The following DMD variants were observed in gnomAD, a reference collection of about 807,000 sequenced individuals.
The protein encoded by DMD is mutant dystrophin.
DMD carries 63 observed loss-of-function variants against 330.1 expected under a neutral mutation model. That is an observed-to-expected ratio of 0.19 (90% CI 0.16 to 0.24). DMD has a LOEUF of 0.24. Among genes scored for constraint, DMD ranks in the 10% least tolerant of loss-of-function variants. The pLI is 1.00. For missense variants in DMD, 3,344 were observed against 2,684.1 expected (o/e 1.25, Z -5.43); for synonymous variants, 1,223 against 959.8 (o/e 1.27, Z -5.07).
At chrX:31,947,971 C>T (rs1050604380) in intron 45 of DMD, among the ~76,000 whole-genome samples, 2 of 110,918 alleles carry the variant, frequency 1.8e-5, no homozygotes, top group African/African-American at 3.3e-5. Context: ...ATCTTTAGAA[C>T]TTATTTACAT....
intron 62 of DMD, among the ~76,000 whole-genome samples, chrX:31,291,414 T>C (rs2053686210): frequency 8.9e-6 from 1 of 112,100 alleles, no homozygotes; most frequent in South Asian, 3.7e-4. Flanking sequence ...ACATGTATTC[T>C]ATAGTCCCTA....
chrX:32,098,956 G>A (rs905618431), intron 44 of DMD, among the ~76,000 whole-genome samples: 5 of 111,594 alleles, frequency 4.5e-5, no homozygotes, highest in Admixed American at 2.9e-4. Flanking sequence ...TTCCAGAATC[G>A]TCATCTTTAC....
At chrX:32,647,276 G>A (rs945989170) in intron 9 of DMD, among the ~76,000 whole-genome samples, 1 of 112,023 alleles carries the variant, frequency 8.9e-6, no homozygotes, top group Non-Finnish European at 1.9e-5. Flanking sequence ...TATAATATGT[G>A]TATCTGTCCT....
chrX:31,277,292 C>T (rs956963892), intron 62 of DMD, among the ~76,000 whole-genome samples: 3 of 111,117 alleles, frequency 2.7e-5, no homozygotes, highest in African/African-American at 9.8e-5. Context: ...TCCTCCTAAC[C>T]GAAGTTTCAT....
At chrX:31,446,964 A>G (rs1171689369) in intron 59 of DMD, among the ~76,000 whole-genome samples, 1 of 111,085 alleles carries the variant, frequency 9.0e-6, no homozygotes, top group African/African-American at 3.3e-5. Flanking sequence ...TACAAGCAAG[A>G]CTCTCAAGCC....
At position 32,706,579 on chromosome X, in the gene DMD, A is replaced by G. The variant is rs2064685402; in HGVS notation, c.650-7286T>C. Among the ~76,000 whole-genome samples the G allele has an allele frequency of 3.6e-5, 4 of 110,499 alleles. No homozygotes were observed. The South Asian group carries it at 1.2e-3, about 32-fold the overall frequency. Reference sequence around the variant, plus strand: ...ACTCCATCTCAAAAAACAAACAAACAAAAAATTAAAAAAGAAAAAAACAGT... The same window carrying G: ...ACTCCATCTCAAAAAACAAACAAACGAAAAATTAAAAAAGAAAAAAACAGT... On this transcript the variant is annotated intron_variant, in intron 7 of 78. Transcript: ENST00000357033.
chrX:32,035,949 G>T (rs147850933), intron 44 of DMD, among the ~76,000 whole-genome samples: 2 of 111,801 alleles, frequency 1.8e-5, no homozygotes, highest in East Asian at 5.6e-4. Context: ...AGATGTAAGA[G>T]ACTGGAGGAA....
chrX:31,442,306 G>A (rs745442747), intron 60 of DMD, among the ~76,000 whole-genome samples: 2 of 111,311 alleles, frequency 1.8e-5, no homozygotes, highest in Non-Finnish European at 3.8e-5. Context: ...GAGGTTAAAT[G>A]GCTTTCTCAC....
intron 64 of DMD, among the ~76,000 whole-genome samples, chrX:31,211,742 CAGA>C (rs774314008): frequency 3.2e-4 from 36 of 112,074 alleles, no homozygotes; most frequent in African/African-American, 1.0e-3. Context: ...ATTACAGGAG[CAGA>C]AGATGACACA....
At chrX:32,333,657 C>A (rs955200627) in intron 41 of DMD, among the ~76,000 whole-genome samples, 3 of 111,092 alleles carry the variant, frequency 2.7e-5, no homozygotes, top group Non-Finnish European at 5.7e-5. Context: ...TTTGAAAATC[C>A]TAAGCTATTA....
At chrX:31,285,043 T>C (rs2053093136) in intron 62 of DMD, among the ~76,000 whole-genome samples, 2 of 111,403 alleles carry the variant, frequency 1.8e-5, no homozygotes, top group African/African-American at 6.5e-5. Context: ...GCACCCTCAA[T>C]GTCTTTAAAA....
chrX:32,889,578 A>T (rs969438492), intron 2 of DMD, among the ~76,000 whole-genome samples: 1 of 110,969 alleles, frequency 9.0e-6, no homozygotes, highest in African/African-American at 3.3e-5. Context: ...AACTGATGAC[A>T]TTCCACCATT....
At chrX:32,777,698 C>T (rs1324511379) in intron 7 of DMD, among the ~76,000 whole-genome samples, 1 of 112,104 alleles carries the variant, frequency 8.9e-6, no homozygotes, top group Admixed American at 9.4e-5. Context: ...AAATTTAAAA[C>T]AAAGACATTC....
chrX:32,313,901 C>A (rs2097573577), intron 41 of DMD, among the ~76,000 whole-genome samples: 1 of 110,984 alleles, frequency 9.0e-6, no homozygotes, highest in Non-Finnish European at 1.9e-5. Context: ...TAAGAGAGGA[C>A]CCAAACAAAT....
chrX:32,595,696 A>G, intron 13 of DMD, 61 bp downstream of exon 13: 6 of 1,115,366 alleles, frequency 5.4e-6, no homozygotes, highest in Non-Finnish European at 7.4e-6. Context: ...TTTTTAAAAT[A>G]CTTTTCAAGT....
At position 32,166,197 on chromosome X, in the gene DMD, G is replaced by A. The variant is rs143439003; in HGVS notation, c.6438+50719C>T. Among the ~76,000 whole-genome samples the A allele has an allele frequency of 4.5e-3, 501 of 111,384 alleles. 3 individuals are homozygous for A. The highest frequency in any genetic ancestry group is 6.1e-3 in the Non-Finnish European group (323 of 53,085). ...CGGCTGGGCATGGTGGTTCATGCCT[G>A]TAATTCCAGCACCTTAGGAGGTAGA... On this transcript the variant is annotated intron_variant, in intron 44 of 78. Transcript: ENST00000357033.
intron 2 of DMD, among the ~76,000 whole-genome samples, chrX:32,863,026 C>A (rs1453276612): frequency 1.8e-5 from 2 of 110,977 alleles, no homozygotes; most frequent in Non-Finnish European, 3.8e-5. Context: ...GCATGAGCCA[C>A]TGCACCAGGC....
intron 54 of DMD, among the ~76,000 whole-genome samples, chrX:31,655,924 G>A (rs2080756619): frequency 8.9e-6 from 1 of 112,231 alleles, no homozygotes; most frequent in African/African-American, 3.2e-5. Context: ...TGGAGAAAGA[G>A]ATTGGAAGAA....
At chrX:31,299,681 C>T (rs2054482358) in intron 62 of DMD, among the ~76,000 whole-genome samples, 1 of 104,459 alleles carries the variant, frequency 9.6e-6, no homozygotes, top group Non-Finnish European at 1.9e-5. Context: ...GAGGCTGAGG[C>T]AGGAGAATCG....
Sources: allele counts gnomAD v4.1 joint callset (sites outside exome capture counted in the v4.1 genomes callset), GRCh38; gene constraint gnomAD v4.1.1; transcripts MANE v1.5; gene names NCBI Gene and HGNC (gene_info 2026-07-23, HGNC 2026-07-21).